DOCK9: variants seen among roughly 807,000 people sequenced by gnomAD.
DOCK9 encodes dedicator of cytokinesis 9.
A neutral mutation model predicts 263.3 loss-of-function variants in DOCK9; 89 were observed. The observed-to-expected ratio is 0.34, with a 90% CI of 0.28 to 0.40. The LOEUF (loss-of-function observed/expected upper bound fraction) is 0.40, where lower values mean the gene tolerates loss of function less well. Among genes scored for constraint, DOCK9 ranks in the 10% least tolerant of loss-of-function variants. DOCK9 has a pLI of 1.00. For missense variants in DOCK9, 2,140 were observed against 2,603.4 expected (o/e 0.82, Z 3.87); for synonymous variants, 976 against 973.1 (o/e 1.00, Z -0.06).
intron 1 of DOCK9, among the ~76,000 whole-genome samples, chr13:98,956,572 C>A (rs374606027): frequency 3.9e-5 from 6 of 151,952 alleles, no homozygotes; most frequent in East Asian, 1.9e-4. Context: ...CACGATGAAA[C>A]CCTGTCACTA....
intron 27 of DOCK9, among the ~76,000 whole-genome samples, chr13:98,873,110 A>G (rs2094231351): frequency 1.3e-5 from 2 of 152,052 alleles, no homozygotes; most frequent in South Asian, 4.2e-4. Flanking sequence ...TCTCTTCTTA[A>G]CCTTGGGTCA....
chr13:98,832,755 G>A (rs1437865986), intron 39 of DOCK9, among the ~76,000 whole-genome samples: 1 of 152,150 alleles, frequency 6.6e-6, no homozygotes, highest in African/African-American at 2.4e-5. Flanking sequence ...GCTCTGTTGG[G>A]GAACGATAGG....
Position 98,807,763 on chromosome 13 carries a change from T to A in DOCK9, c.5412A>T (p.Glu1804Asp). ...TTTCCGACAGCGGTGTGAGTTTGGG[T>A]TCCTTGTAAATATACTCCTTTCCAT... is the stretch of plus-strand genomic sequence containing the variant. ...DEDGKEYIYK[E>D]PKLTPLSEIS... The change falls in exon 48 of 53, where the codon GAA (glutamate) becomes GAT (aspartate). Residue 1804 changes from glutamate to aspartate, a missense_variant. Around this residue, in one of 2 missense-constraint regions of DOCK9, gnomAD observed 619 missense variants for 861.8 expected, o/e 0.72. Transcript: ENST00000682017. 6.2e-7 allele frequency: 1 copy of A among 1,613,412 alleles called. No homozygotes were observed. Among genetic ancestry groups the A allele is most frequent in the Non-Finnish European group, 8.5e-7 (1 of 1,179,502 alleles).
At chr13:99,000,612 C>T (rs970822953) in intron 1 of DOCK9, among the ~76,000 whole-genome samples, 2 of 152,168 alleles carry the variant, frequency 1.3e-5, no homozygotes, top group East Asian at 1.9e-4. Flanking sequence ...TCATTCTCCT[C>T]ACTCGAAATA....
At chr13:99,001,528 T>C (rs1261729474) in intron 1 of DOCK9, among the ~76,000 whole-genome samples, 1 of 152,260 alleles carries the variant, frequency 6.6e-6, no homozygotes, top group Non-Finnish European at 1.5e-5. Flanking sequence ...GGTAACTTTT[T>C]CTGTGAGAAA....
At chr13:98,923,214 G>A (rs552075092) in intron 5 of DOCK9, 88 bp downstream of exon 5, 32 of 1,316,652 alleles carry the variant, frequency 2.4e-5, no homozygotes, top group East Asian at 7.0e-5. Context: ...GCTAAATGTC[G>A]GTAATTTTCT....
At chr13:98,949,020 C>CAAAT (rs1555421468) in intron 2 of DOCK9, among the ~76,000 whole-genome samples, 1 of 152,156 alleles carries the variant, frequency 6.6e-6, no homozygotes, top group Non-Finnish European at 1.5e-5. Context: ...TAGGGGTGAA[C>CAAAT]AAATCTCTCT....
intron 1 of DOCK9, among the ~76,000 whole-genome samples, chr13:99,075,700 T>G (rs1241004204): frequency 6.6e-6 from 1 of 151,362 alleles, no homozygotes; most frequent in East Asian, 1.9e-4. Flanking sequence ...TTTTTTTAAC[T>G]TAGCATGGTA....
intron 1 of DOCK9, among the ~76,000 whole-genome samples, chr13:98,970,688 A>G (rs1010003393): frequency 6.6e-6 from 1 of 152,194 alleles, no homozygotes; most frequent in African/African-American, 2.4e-5. Flanking sequence ...AAGCCTCAAA[A>G]TGTCATTCTA....
rs986369623 is a variant in DOCK9 at position 98,999,587 on chromosome 13, CTTTCT to C, written c.130-44041_130-44037del. ...GTACTAAAACTTATCCTCAGTGTTTCTTTCTTTTCATGTTTCTTTTTTAACAGAAA... is the reference window on the plus strand; with the variant it reads ...GTACTAAAACTTATCCTCAGTGTTTCTTTCATGTTTCTTTTTTAACAGAAA... On this transcript the variant is annotated intron_variant, in intron 1 of 32. Coordinates refer to the DOCK9 transcript ENST00000427887. Among the ~76,000 whole-genome samples, 33 of 151,464 alleles carry C rather than the reference CTTTCT, an allele frequency of 2.2e-4. 1 individual carries two copies. The East Asian group carries it at 5.2e-3, about 24-fold the overall frequency.
intron 1 of DOCK9, among the ~76,000 whole-genome samples, chr13:99,013,484 C>T (rs777731309): frequency 7.2e-5 from 11 of 152,168 alleles, no homozygotes; most frequent in East Asian, 1.9e-4. Flanking sequence ...ACTATTACTA[C>T]GCTTATGCTG....
intron 1 of DOCK9, among the ~76,000 whole-genome samples, chr13:98,956,624 G>GT (rs2141009390): frequency 6.6e-6 from 1 of 152,244 alleles, no homozygotes; most frequent in East Asian, 1.9e-4. Flanking sequence ...GCATACGCTT[G>GT]TAATCCCAGC....
At chr13:99,061,400 T>C (rs1437162543) in intron 1 of DOCK9, among the ~76,000 whole-genome samples, 2 of 152,192 alleles carry the variant, frequency 1.3e-5, no homozygotes, top group Admixed American at 6.5e-5. Flanking sequence ...CCCTCACTGA[T>C]AGAAATCTGC....
At chr13:98,857,299 C>CCATG (rs1297390904) in intron 33 of DOCK9, 5 of 152,156 alleles carry the variant, frequency 3.3e-5, no homozygotes, top group Non-Finnish European at 7.3e-5. Flanking sequence ...AAATGAGCTG[C>CCATG]CATGGACTGG....
chr13:99,007,404 AAATTT>A (rs200547893), intron 1 of DOCK9, among the ~76,000 whole-genome samples: 4,198 of 152,112 alleles, frequency 0.028, 95 homozygotes, highest in South Asian at 0.062. Context: ...ATAAAAATAA[AAATTT>A]AATTTAATTT....
At chr13:99,031,239 A>T (rs2142064233) in intron 1 of DOCK9, among the ~76,000 whole-genome samples, 1 of 152,362 alleles carries the variant, frequency 6.6e-6, no homozygotes, top group South Asian at 2.1e-4. Flanking sequence ...ATGTCTATGA[A>T]TTTAAAAGAG....
chr13:99,015,726 A>G (rs1885305698), intron 1 of DOCK9: 1 of 1,413,820 alleles, frequency 7.1e-7, no homozygotes, highest in Admixed American at 2.8e-5. Context: ...AGTCACCGGT[A>G]CTGGAACAGA....
At chr13:98,846,208 G>A (rs1566694634) in intron 37 of DOCK9, 148 bp from the exon 38 acceptor site, 11 of 1,024,572 alleles carry the variant, frequency 1.1e-5, no homozygotes, top group Non-Finnish European at 1.4e-5. Flanking sequence ...ACACAGACAG[G>A]CGGCAGCTCC....
intron 1 of DOCK9, among the ~76,000 whole-genome samples, chr13:98,999,316 A>ACACACACACACACACACT: frequency 2.6e-4 from 36 of 138,288 alleles, no homozygotes; most frequent in Non-Finnish European, 2.5e-4. Flanking sequence ...ACACACACAC[A>ACACACACACACACACACT]CTCTCTCTCT....
Sources: allele counts gnomAD v4.1 joint callset (sites outside exome capture counted in the v4.1 genomes callset), GRCh38; gene constraint gnomAD v4.1.1; regional missense constraint gnomAD v4.1.1; transcripts MANE v1.5; gene names NCBI Gene and HGNC (gene_info 2026-07-23, HGNC 2026-07-21).